Variants in RPTOR observed in about 807,000 individuals in gnomAD.
The protein encoded by RPTOR is regulatory-associated protein of mTOR.
A neutral mutation model predicts 169.9 loss-of-function variants in RPTOR; 21 were observed. That is an observed-to-expected ratio of 0.12 (90% CI 0.09 to 0.18). The LOEUF is 0.18. Ranked by LOEUF, RPTOR falls within the 10% of genes least tolerant of loss-of-function variation. The pLI is 1.00. For synonymous variants in RPTOR, 732 were observed against 753.2 expected, an observed-to-expected ratio of 0.97 and a Z score of 0.46; for missense variants, 1,133 against 1,855.9, an observed-to-expected ratio of 0.61 and a Z score of 7.16.
At chr17:80,948,981 G>T (rs1011428366) in intron 27 of RPTOR, among the ~76,000 whole-genome samples, 1 of 152,172 alleles carries the variant, frequency 6.6e-6, no homozygotes, top group Admixed American at 6.5e-5. Context: ...GAGGAATGGG[G>T]CGGAGGGTGC....
intron 6 of RPTOR, among the ~76,000 whole-genome samples, chr17:80,764,170 ATT>A (rs376846210): frequency 0.26 from 26,944 of 105,068 alleles, 2,646 homozygotes; most frequent in African/African-American, 0.31. Context: ...ATTTTATTTT[ATT>A]TTATTATTAT....
At chr17:80,576,233 T>TC (rs1438200437) in intron 1 of RPTOR, among the ~76,000 whole-genome samples, 1 of 152,238 alleles carries the variant, frequency 6.6e-6, no homozygotes, top group African/African-American at 2.4e-5. Context: ...TTTTGTGCTT[T>TC]CTATTTGTCC....
intron 20 of RPTOR, among the ~76,000 whole-genome samples, chr17:80,907,595 A>G (rs1250231679): frequency 1.3e-5 from 2 of 152,228 alleles, no homozygotes; most frequent in African/African-American, 4.8e-5. Context: ...CCCTGGCCTC[A>G]GCCAATGCTG....
chr17:80,905,343 T>G (rs1262138707), intron 20 of RPTOR, among the ~76,000 whole-genome samples: 5 of 151,794 alleles, frequency 3.3e-5, no homozygotes, highest in South Asian at 2.1e-4. Flanking sequence ...TCCCAGCACT[T>G]TGGGAGGCCA....
intron 13 of RPTOR, among the ~76,000 whole-genome samples, chr17:80,858,804 G>C (rs775553818): frequency 5.9e-5 from 9 of 152,228 alleles, no homozygotes; most frequent in Non-Finnish European, 1.3e-4. Flanking sequence ...GGCTGTGTGC[G>C]GGGACACGCA....
chr17:80,685,627 A>ATATATATATATATATATATATTTTTT (rs1269766086), intron 3 of RPTOR, among the ~76,000 whole-genome samples: 1 of 30,700 alleles, frequency 3.3e-5, no homozygotes, highest in Non-Finnish European at 5.4e-5. Context: ...ATATATATAT[A>ATATATATATATATATATATATTTTTT]TTTTTTTTTT....
chr17:80,736,848 G>A (rs529923161), intron 5 of RPTOR, among the ~76,000 whole-genome samples: 13 of 152,246 alleles, frequency 8.5e-5, no homozygotes, highest in African/African-American at 2.6e-4. Context: ...TCTTCTCCAC[G>A]GACTCACCGT....
rs111431334 is a variant in RPTOR at position 80,925,435 on chromosome 17, G to A, written c.2874G>A (p.Gly958=). 146 of 1,613,658 alleles carry A rather than the reference G, an allele frequency of 9.0e-5. No individual in the cohort carries two copies. The highest frequency in any genetic ancestry group is 6.5e-4 in the African/African-American group (49 of 75,054). The change falls in exon 24 of 34, where the codon GGG becomes GGA. Residue 958 remains glycine, a synonymous_variant. Coordinates refer to ENST00000306801, the MANE Select transcript of RPTOR (RefSeq NM_020761.3). ...TCATCTCCGCCACGGTGCAGACGGGGTTCTGCGACTGGAGCGCCCGCTATT... is the reference window on the plus strand; with the variant it reads ...TCATCTCCGCCACGGTGCAGACGGGATTCTGCGACTGGAGCGCCCGCTATT... ...KSFISATVQT[G]FCDWSARYFA...
chr17:80,725,772 G>T (rs1398616274), intron 4 of RPTOR, among the ~76,000 whole-genome samples: 1 of 152,186 alleles, frequency 6.6e-6, no homozygotes, highest in East Asian at 1.9e-4. Context: ...GCTATCAAAG[G>T]TCATTTTCCA....
chr17:80,803,048 T>TG lies in RPTOR; in HGVS notation c.890+11543dup, dbSNP rs1173932893. ...GGTTCCTCACAACCCCTGGTTCTGGTGGGGTGCCTGGAGTGCCTCCTCTGG... is the reference window on the plus strand; with the variant it reads ...GGTTCCTCACAACCCCTGGTTCTGGTGGGGGTGCCTGGAGTGCCTCCTCTGG... On this transcript the variant is annotated intron_variant, in intron 7 of 33. Coordinates refer to ENST00000306801, the MANE Select transcript of RPTOR (RefSeq NM_020761.3). This position sits in a 1 kb window ranked among gnomAD's most constrained non-coding sequence, Gnocchi z 6.2. The TG allele has an allele frequency of 6.6e-6, 1 of 152,466 alleles. No homozygotes were observed. The highest frequency in any genetic ancestry group is 2.4e-5 in the African/African-American group (1 of 41,462). 9.4% of individuals were successfully genotyped at this position (152,466 alleles called of 1,614,324 possible).
At chr17:80,797,562 C>T (rs1317866912) in intron 7 of RPTOR, among the ~76,000 whole-genome samples, 1 of 152,198 alleles carries the variant, frequency 6.6e-6, no homozygotes, top group African/African-American at 2.4e-5. Flanking sequence ...GGATTATAGG[C>T]GTGAGCCACC....
chr17:80,754,540 A>G lies in RPTOR; in HGVS notation c.830+355A>G, dbSNP rs1176928895. On this transcript the variant is annotated intron_variant, in intron 6 of 33. Coordinates refer to ENST00000306801, the MANE Select transcript of RPTOR (RefSeq NM_020761.3). This position sits in a 1 kb window ranked among gnomAD's most constrained non-coding sequence, Gnocchi z 4.2. ...GAAGAAAAGGCTGTTATGAAAAAGGAAGTCATTTAATTCCTTGCTTGAGTT... is the reference window on the plus strand; with the variant it reads ...GAAGAAAAGGCTGTTATGAAAAAGGGAGTCATTTAATTCCTTGCTTGAGTT... Among the ~76,000 whole-genome samples the G allele has an allele frequency of 6.6e-6, 1 of 152,212 alleles. No homozygotes were observed. Among genetic ancestry groups the G allele is most frequent in the Non-Finnish European group, 1.5e-5 (1 of 68,042 alleles).
intron 1 of RPTOR, among the ~76,000 whole-genome samples, chr17:80,568,870 G>T (rs950883456): frequency 1.3e-5 from 2 of 152,130 alleles, no homozygotes; most frequent in African/African-American, 2.4e-5. Context: ...GAGACAGGAG[G>T]ATCTCACTAT....
At chr17:80,564,836 G>C (rs1438512162) in intron 1 of RPTOR, among the ~76,000 whole-genome samples, 2 of 152,120 alleles carry the variant, frequency 1.3e-5, no homozygotes, top group Admixed American at 1.3e-4. Flanking sequence ...TTATAAGTGA[G>C]AACATGCGGT....
chr17:80,831,711 G>A (rs2067505341), intron 9 of RPTOR, among the ~76,000 whole-genome samples: 1 of 152,064 alleles, frequency 6.6e-6, no homozygotes. Flanking sequence ...GTGTGTCACT[G>A]TGTATCCCTG....
At chr17:80,869,915 A>G (rs1157973808) in intron 13 of RPTOR, among the ~76,000 whole-genome samples, 1 of 152,180 alleles carries the variant, frequency 6.6e-6, no homozygotes. Flanking sequence ...GAACTTCATG[A>G]TGAGAAAGTC....
At chr17:80,908,298 G>A (rs752978361) in intron 20 of RPTOR, among the ~76,000 whole-genome samples, 1 of 152,144 alleles carries the variant, frequency 6.6e-6, no homozygotes, top group Non-Finnish European at 1.5e-5. Context: ...TCAACCTTTC[G>A]TGAAGTCCTA....
At chr17:80,810,403 A>G (rs199988765) in intron 7 of RPTOR, among the ~76,000 whole-genome samples, 2 of 107,966 alleles carry the variant, frequency 1.9e-5, no homozygotes, top group Admixed American at 1.7e-4. Flanking sequence ...GGAAGAGGCT[A>G]TCTTTTTGTC....
At chr17:80,662,651 T>C (rs1349394784) in intron 3 of RPTOR, among the ~76,000 whole-genome samples, 1 of 152,044 alleles carries the variant, frequency 6.6e-6, no homozygotes, top group African/African-American at 2.4e-5. Flanking sequence ...ACAGGAGCAA[T>C]TGGGGAAGTC....
Sources: gnomAD v4.1 joint callset for allele counts (sites outside exome capture counted in the v4.1 genomes callset) on GRCh38, gnomAD v4.1.1 for gene constraint, Gnocchi (gnomAD v3.1) non-coding constraint, MANE v1.5 for transcripts, NCBI Gene and HGNC (gene_info 2026-07-23, HGNC 2026-07-21) for gene names.